The following TFCP2 variants were observed in gnomAD, a reference collection of about 807,000 sequenced individuals.
TFCP2 encodes alpha-globin transcription factor CP2.
A neutral mutation model predicts 73.4 loss-of-function variants in TFCP2; 33 were observed. The ratio of observed to expected loss-of-function variants is 0.45; its 90% CI spans 0.34 to 0.60. The LOEUF (loss-of-function observed/expected upper bound fraction) is 0.60, where lower values mean the gene tolerates loss of function less well. TFCP2 is among the 20% of genes least tolerant of loss of function. The pLI is 0.01. For missense variants in TFCP2, 352 were observed against 604.0 expected, an observed-to-expected ratio of 0.58 and a Z score of 4.37; for synonymous variants, 193 against 211.6, an observed-to-expected ratio of 0.91 and a Z score of 0.76.
chr12:51,097,497 C>G (rs983116374), intron 13 of TFCP2, among the ~76,000 whole-genome samples: 4 of 152,142 alleles, frequency 2.6e-5, no homozygotes, highest in Non-Finnish European at 5.9e-5. Context: ...CCACCCGTCT[C>G]AGCCTCCCAA....
At chr12:51,150,244 C>T (rs949800644) in intron 1 of TFCP2, among the ~76,000 whole-genome samples, 3 of 152,010 alleles carry the variant, frequency 2.0e-5, no homozygotes, top group African/African-American at 4.8e-5. Context: ...ATGGCGAAAC[C>T]TCTTCTCTAC....
chr12:51,142,203 C>CAAAAAAG (rs1941209089), intron 1 of TFCP2, among the ~76,000 whole-genome samples: 1 of 52,742 alleles, frequency 1.9e-5, no homozygotes, highest in Non-Finnish European at 3.0e-5. Context: ...GACTCTGTCG[C>CAAAAAAG]AAAAAAAAAA....
chr12:51,134,098 G>T (rs1941010893), intron 1 of TFCP2, among the ~76,000 whole-genome samples: 1 of 151,946 alleles, frequency 6.6e-6, no homozygotes, highest in African/African-American at 2.4e-5. Context: ...AGGAATGATG[G>T]GATGACTATC....
chr12:51,097,710 G>A (rs1939999599), intron 13 of TFCP2, among the ~76,000 whole-genome samples: 1 of 152,120 alleles, frequency 6.6e-6, no homozygotes, highest in East Asian at 1.9e-4. Flanking sequence ...AGATGTTTGT[G>A]CATAAAAATA....
intron 1 of TFCP2, among the ~76,000 whole-genome samples, chr12:51,154,230 G>T (rs1024647315): frequency 3.9e-5 from 6 of 152,064 alleles, no homozygotes; most frequent in Non-Finnish European, 8.8e-5. Context: ...TTATCTGATG[G>T]GGGGGATCCA....
intron 1 of TFCP2, among the ~76,000 whole-genome samples, chr12:51,171,290 T>C (rs370663188): frequency 1.3e-5 from 2 of 152,316 alleles, no homozygotes; most frequent in African/African-American, 4.8e-5. Flanking sequence ...CATCTATAAA[T>C]GAAATAAACT....
chr12:51,114,869 C>T (rs1345913253), intron 4 of TFCP2, among the ~76,000 whole-genome samples: 5 of 151,538 alleles, frequency 3.3e-5, no homozygotes, highest in African/African-American at 1.2e-4. Context: ...TGAGACTACC[C>T]TGGCCAACAT....
At chr12:51,161,685 A>AT (rs1555148052) in intron 1 of TFCP2, among the ~76,000 whole-genome samples, 4 of 149,360 alleles carry the variant, frequency 2.7e-5, no homozygotes, top group Admixed American at 6.7e-5. Context: ...GTCTCAAAAA[A>AT]AATAATAATA....
In TFCP2 at chr12:51,098,916, A is replaced by T; in HGVS notation, c.1279T>A (p.Tyr427Asn). 1 of 1,614,052 alleles carries T rather than the reference A, an allele frequency of 6.2e-7. No individual in the cohort carries two copies. Among genetic ancestry groups the T allele is most frequent in the Non-Finnish European group, 8.5e-7 (1 of 1,179,978 alleles). Residue 427 changes from tyrosine to asparagine, a missense_variant and splice_region_variant, in exon 13 of 15, where the codon TAC becomes AAC. Around this residue, in one of 6 missense-constraint regions of TFCP2, gnomAD observed 194 missense variants for 256.3 expected, o/e 0.76. Coordinates refer to ENST00000257915, the MANE Select transcript of TFCP2 (RefSeq NM_005653.5). ...AGTTCTTCTAGATAGATAGCATGGT[A>T]AACTGCAAAAGGGAGAGAGCAACAG... The part of the protein sequence containing the change: ...DGDSNGTFFV[Y>N]HAIYLEELTA...
At position 51,172,510 on chromosome 12, in the gene TFCP2, G is replaced by T. The variant is rs1392118472; in HGVS notation, c.-88C>A. 1.3e-6 allele frequency: 2 copies of T among 1,574,728 alleles called. No homozygotes were observed. Among genetic ancestry groups the T allele is most frequent in the Admixed American group, 3.6e-5 (2 of 56,262 alleles). ...ACCCAACAGGAGTAACGCAAACCAA[G>T]AAAACTACAAACCAAGGTTTCCCAC... On this transcript the variant is annotated 5_prime_UTR_variant, in exon 1 of 15. Transcript: ENST00000257915.
In TFCP2 at chr12:51,105,008, G is replaced by A. The variant is rs558574871; in HGVS notation, c.918-805C>T. The stretch of plus-strand genomic sequence containing the variant: ...ATTACAGGCGTGAGCCACCGCGCCC[G>A]GCAAAAAAAATTATTTTTAAAGTAG... On this transcript the variant is annotated intron_variant, in intron 8 of 14. Coordinates refer to ENST00000257915, the MANE Select transcript of TFCP2 (RefSeq NM_005653.5). Among the ~76,000 whole-genome samples the A allele has an allele frequency of 1.1e-4, 16 of 148,740 alleles. No homozygotes were observed. The East Asian group carries it at 2.2e-3, about 21-fold the overall frequency.
chr12:51,111,060 T>C (rs1424579801), intron 4 of TFCP2, 77 bp from the exon 5 acceptor site: 2 of 985,720 alleles, frequency 2.0e-6, no homozygotes, highest in African/African-American at 3.2e-5. Context: ...GATTCTTATA[T>C]TACTCAATGT....
intron 1 of TFCP2, among the ~76,000 whole-genome samples, chr12:51,155,907 T>C (rs1178982930): frequency 6.6e-6 from 1 of 152,180 alleles, no homozygotes; most frequent in Non-Finnish European, 1.5e-5. Context: ...CTGGGCATGG[T>C]GGCACATGCC....
chr12:51,107,806 A>C (rs371468823), intron 6 of TFCP2, among the ~76,000 whole-genome samples: 1 of 151,772 alleles, frequency 6.6e-6, no homozygotes, highest in Non-Finnish European at 1.5e-5. Context: ...GGGTTTCACC[A>C]TTTTGGTCAG....
At chr12:51,139,215 A>G (rs1941133662) in intron 1 of TFCP2, among the ~76,000 whole-genome samples, 1 of 152,116 alleles carries the variant, frequency 6.6e-6, no homozygotes, top group Admixed American at 6.6e-5. Context: ...AAATCTAGAA[A>G]TGTCCCTTCT....
rs1000597975 is a variant in TFCP2 at position 51,094,394 on chromosome 12, T to G, written c.*847A>C. ...ATTCCTCAGTTCATACTCAGTGTTA[T>G]GTTGTAGTCACCAGAAGGGCCACAG... is the stretch of plus-strand genomic sequence containing the variant. On this transcript the variant is annotated 3_prime_UTR_variant, in exon 15 of 15. Transcript: ENST00000257915. 1 of 152,222 alleles carries G rather than the reference T, an allele frequency of 6.6e-6. No individual in the cohort carries two copies. Among genetic ancestry groups the G allele is most frequent in the Non-Finnish European group, 1.5e-5 (1 of 68,052 alleles). The allele number at this position is 152,222 out of a possible 1,614,324, so 9.4% of individuals were successfully genotyped here. A position where few individuals can be genotyped will look rare whatever the true frequency, so the allele number is the denominator to read the frequency against.
intron 3 of TFCP2, among the ~76,000 whole-genome samples, chr12:51,117,206 C>T (rs1277868326): frequency 6.6e-6 from 1 of 152,146 alleles, no homozygotes; most frequent in East Asian, 1.9e-4. Flanking sequence ...CCTATTAATT[C>T]CTCCCACCAC....
At chr12:51,120,906 T>G (rs552057560) in intron 1 of TFCP2, among the ~76,000 whole-genome samples, 1 of 98,902 alleles carries the variant, frequency 1.0e-5, no homozygotes. Context: ...CGAGACTGTG[T>G]CTCAAAAAAA....
intron 1 of TFCP2, among the ~76,000 whole-genome samples, chr12:51,128,346 G>A (rs1033340449): frequency 6.6e-6 from 1 of 152,046 alleles, no homozygotes; most frequent in Non-Finnish European, 1.5e-5. Flanking sequence ...AAAAAAACTA[G>A]TATTGGCATT....
Sources: gnomAD v4.1 joint callset for allele counts (sites outside exome capture counted in the v4.1 genomes callset) on GRCh38, gnomAD v4.1.1 for gene constraint, gnomAD v4.1.1 regional missense constraint, MANE v1.5 for transcripts, NCBI Gene and HGNC (gene_info 2026-07-23, HGNC 2026-07-21) for gene names.